LRRC72: variants seen among roughly 807,000 people sequenced by gnomAD.
LRRC72 encodes leucine rich repeat containing 72.
A neutral mutation model predicts 35.8 loss-of-function variants in LRRC72; 41 were observed. The observed-to-expected ratio is 1.15, with a 90% CI of 0.89 to 1.49. The LOEUF is 1.49. Among genes scored for constraint, LRRC72 ranks in the 40% most tolerant of loss-of-function variants. The pLI is 0.00. For synonymous variants in LRRC72, 118 were observed against 119.2 expected (o/e 0.99, Z 0.07); for missense variants, 389 against 330.7 (o/e 1.18, Z -1.37).
chr7:16,577,829 A>G (rs1034263845), intron 7 of LRRC72, among the ~76,000 whole-genome samples: 8 of 152,230 alleles, frequency 5.3e-5, no homozygotes, highest in African/African-American at 1.9e-4. Context: ...AAATAAAAAC[A>G]ATGAGATACC....
Position 16,527,052 on chromosome 7 carries a change from A to G in LRRC72, c.90+10A>G, listed in dbSNP as rs1260306902. ...ACAGAGCAGTCGCCGGGTAAGCGGCACCTGCCTTCCCAAGCCATCAGCCCC... is the reference window on the plus strand; with the variant it reads ...ACAGAGCAGTCGCCGGGTAAGCGGCGCCTGCCTTCCCAAGCCATCAGCCCC... On this transcript the variant is annotated intron_variant, in intron 1 of 8. Coordinates refer to ENST00000401542, the MANE Select transcript of LRRC72 (RefSeq NM_001195280.2). 2 of 1,536,430 alleles carry G rather than the reference A, an allele frequency of 1.3e-6. No homozygotes were observed. The highest frequency in any genetic ancestry group is 2.0e-5 in the Admixed American group (1 of 51,008).
chr7:16,573,725 T>C (rs1242603830), intron 7 of LRRC72, among the ~76,000 whole-genome samples: 2 of 152,144 alleles, frequency 1.3e-5, no homozygotes, highest in African/African-American at 4.8e-5. Flanking sequence ...GGCAATACCA[T>C]TCAGGACATA....
At chr7:16,558,439 G>A (rs1336894142) in intron 4 of LRRC72, among the ~76,000 whole-genome samples, 4 of 152,014 alleles carry the variant, frequency 2.6e-5, no homozygotes, top group Admixed American at 6.6e-5. Context: ...TGAAACCCCC[G>A]TCTCTACTAA....
chr7:16,568,579 T>C (rs570785694), intron 7 of LRRC72, among the ~76,000 whole-genome samples: 2 of 152,310 alleles, frequency 1.3e-5, no homozygotes, highest in African/African-American at 4.8e-5. Context: ...AAGGTAATGT[T>C]TAAAGTGATA....
intron 7 of LRRC72, among the ~76,000 whole-genome samples, chr7:16,578,092 T>A (rs1283702273): frequency 1.3e-5 from 2 of 152,198 alleles, no homozygotes; most frequent in Non-Finnish European, 2.9e-5. Flanking sequence ...GTTGCAACAT[T>A]TTTTATAATA....
chr7:16,532,432 G>A (rs942640377), intron 1 of LRRC72, 63 bp from the exon 2 acceptor site: 17 of 1,137,098 alleles, frequency 1.5e-5, no homozygotes, highest in Admixed American at 6.0e-5. Flanking sequence ...GTTACTGACT[G>A]CAAGTGCCTC....
At chr7:16,551,406 A>G (rs1782546029) in intron 3 of LRRC72, among the ~76,000 whole-genome samples, 1 of 152,186 alleles carries the variant, frequency 6.6e-6, no homozygotes. Flanking sequence ...TTAGTATGCT[A>G]AAGAATTGAG....
At chr7:16,578,153 T>C (rs1250163815) in intron 7 of LRRC72, among the ~76,000 whole-genome samples, 1 of 152,222 alleles carries the variant, frequency 6.6e-6, no homozygotes, top group Non-Finnish European at 1.5e-5. Flanking sequence ...GAATGTTAAA[T>C]AGACTATGGC....
chr7:16,537,679 T>G lies in LRRC72; in HGVS notation c.217T>G (p.Trp73Gly), dbSNP rs369407971. ...TAGGTTTAAAAAATTAAAATACTTA[T>G]GGCTTCATCATAACAAGGTAGTGTT... ...LSRFKKLKYL[W>G]LHHNKLHGIT... Residue 73 changes from tryptophan (W) to glycine (G), a missense_variant, in exon 3 of 9, where the codon TGG becomes GGG. Coordinates refer to ENST00000401542, the MANE Select transcript of LRRC72 (RefSeq NM_001195280.2). 6.6e-7 allele frequency: 1 copy of G among 1,518,126 alleles called. No individual in the cohort carries two copies. Among genetic ancestry groups the G allele is most frequent in the Non-Finnish European group, 8.9e-7 (1 of 1,125,658 alleles). The allele number at this position is 1,518,126 out of a possible 1,614,324, so 94.0% of individuals were successfully genotyped here.
chr7:16,542,558 C>G (rs1305048397), intron 3 of LRRC72, among the ~76,000 whole-genome samples: 1 of 152,158 alleles, frequency 6.6e-6, no homozygotes, highest in East Asian at 1.9e-4. Context: ...CAATTTTCCA[C>G]CTGTGACCTG....
intron 2 of LRRC72, among the ~76,000 whole-genome samples, chr7:16,533,977 A>G (rs1257539810): frequency 1.3e-5 from 2 of 152,202 alleles, no homozygotes; most frequent in Non-Finnish European, 2.9e-5. Context: ...GCTTTAAAAT[A>G]CTAGAAATCT....
At chr7:16,542,750 G>T (rs1782378814) in intron 3 of LRRC72, among the ~76,000 whole-genome samples, 1 of 152,226 alleles carries the variant, frequency 6.6e-6, no homozygotes, top group Non-Finnish European at 1.5e-5. Flanking sequence ...TGTGAGAGAG[G>T]TGTGTAGCTT....
chr7:16,535,678 A>G (rs1782241171), intron 2 of LRRC72, among the ~76,000 whole-genome samples: 1 of 152,218 alleles, frequency 6.6e-6, no homozygotes. Context: ...GACTGAATTT[A>G]GCTTCATCAA....
chr7:16,553,520 T>G (rs1003824261), intron 3 of LRRC72, among the ~76,000 whole-genome samples: 4 of 152,226 alleles, frequency 2.6e-5, no homozygotes, highest in African/African-American at 9.6e-5. Context: ...TAATAAGCAC[T>G]TAATCAATAT....
chr7:16,579,809 C>T (rs771626935), intron 7 of LRRC72, among the ~76,000 whole-genome samples: 1 of 152,000 alleles, frequency 6.6e-6, no homozygotes, highest in African/African-American at 2.4e-5. Flanking sequence ...ATTGACTAAG[C>T]TTTCTGTTCT....
chr7:16,561,688 G>T (rs561607185), intron 5 of LRRC72, among the ~76,000 whole-genome samples: 1 of 152,132 alleles, frequency 6.6e-6, no homozygotes, highest in Non-Finnish European at 1.5e-5. Flanking sequence ...AAAATGCTAT[G>T]TCCAATTACA....
chr7:16,565,406 T>TG (rs1425545587), intron 5 of LRRC72, among the ~76,000 whole-genome samples: 1 of 146,258 alleles, frequency 6.8e-6, no homozygotes, highest in Non-Finnish European at 1.5e-5. Context: ...CGCTCCAGCC[T>TG]GGCAACAAGA....
chr7:16,546,768 T>C (rs916290153), intron 3 of LRRC72, among the ~76,000 whole-genome samples: 3 of 152,082 alleles, frequency 2.0e-5, no homozygotes, highest in African/African-American at 7.2e-5. Flanking sequence ...CCCAGTGCTG[T>C]TCCTACAAAT....
At chr7:16,559,065 T>C in intron 5 of LRRC72, 66 bp downstream of exon 5, 1 of 997,976 alleles carries the variant, frequency 1.0e-6, no homozygotes, top group Non-Finnish European at 1.5e-6. Flanking sequence ...TTTTTCCATT[T>C]ATCAAGTTTA....
Sources: gnomAD v4.1 joint callset for allele counts (sites outside exome capture counted in the v4.1 genomes callset) on GRCh38, gnomAD v4.1.1 for gene constraint, MANE v1.5 for transcripts, NCBI Gene and HGNC (gene_info 2026-07-23, HGNC 2026-07-21) for gene names.